WWOX: variants seen among roughly 807,000 people sequenced by gnomAD.
WWOX encodes the protein WW domain-containing oxidoreductase.
A neutral mutation model predicts 46.2 loss-of-function variants in WWOX; 69 were observed. The observed-to-expected ratio is 1.49, with a 90% CI of 1.23 to 1.82. The LOEUF (loss-of-function observed/expected upper bound fraction) is 1.82, where lower values mean the gene tolerates loss of function less well. WWOX is among the 40% of genes most tolerant of loss of function. The pLI is 0.00. For missense variants in WWOX, 919 were observed against 542.6 expected (o/e 1.69, Z -6.89); for synonymous variants, 359 against 202.6 (o/e 1.77, Z -6.56).
chr16:78,770,629 C>T (rs1469379184), intron 8 of WWOX, among the ~76,000 whole-genome samples: 1 of 152,160 alleles, frequency 6.6e-6, no homozygotes, highest in Non-Finnish European at 1.5e-5. Context: ...AATCAGCCTG[C>T]AGGGGTGGAG....
intron 8 of WWOX, among the ~76,000 whole-genome samples, chr16:79,121,084 G>T (rs2049621693): frequency 6.6e-6 from 1 of 152,176 alleles, no homozygotes; most frequent in African/African-American, 2.4e-5. Flanking sequence ...CGTTTCTTCT[G>T]TAAGGATACT....
chr16:78,148,781 C>T (rs2034296269), intron 4 of WWOX, among the ~76,000 whole-genome samples: 1 of 151,428 alleles, frequency 6.6e-6, no homozygotes, highest in South Asian at 2.1e-4. Context: ...GCCTGTAGTC[C>T]CAGCTACTCG....
chr16:78,792,450 T>C (rs2050631249), intron 8 of WWOX, among the ~76,000 whole-genome samples: 1 of 152,164 alleles, frequency 6.6e-6, no homozygotes, highest in Non-Finnish European at 1.5e-5. Flanking sequence ...GCAAATCATA[T>C]GGTCGTACTC....
intron 8 of WWOX, among the ~76,000 whole-genome samples, chr16:78,909,371 G>A (rs913902758): frequency 6.6e-6 from 1 of 152,148 alleles, no homozygotes; most frequent in Non-Finnish European, 1.5e-5. Context: ...TGTATTCTCT[G>A]TTCAGCTGTT....
chr16:78,681,031 C>CT (rs1043033380), intron 8 of WWOX, among the ~76,000 whole-genome samples: 1 of 152,186 alleles, frequency 6.6e-6, no homozygotes, highest in African/African-American at 2.4e-5. Context: ...GGCGCATTGC[C>CT]TGAGGTCGAG....
intron 8 of WWOX, among the ~76,000 whole-genome samples, chr16:78,646,880 G>T (rs905362574): frequency 2.6e-5 from 4 of 152,146 alleles, no homozygotes; most frequent in Non-Finnish European, 1.5e-5. Context: ...GTTAGGCTGT[G>T]TTGGCTGTGA....
intron 8 of WWOX, among the ~76,000 whole-genome samples, chr16:78,949,805 C>G (rs1408195289): frequency 6.6e-6 from 1 of 152,218 alleles, no homozygotes; most frequent in African/African-American, 2.4e-5. Context: ...CCTACATTGT[C>G]TAGTGGGAGA....
At chr16:78,828,396 C>T (rs755651138) in intron 8 of WWOX, among the ~76,000 whole-genome samples, 1 of 152,112 alleles carries the variant, frequency 6.6e-6, no homozygotes, top group African/African-American at 2.4e-5. Context: ...AACATTTAGG[C>T]AATATGACCG....
intron 8 of WWOX, among the ~76,000 whole-genome samples, chr16:78,740,551 G>C (rs1377128038): frequency 6.6e-6 from 1 of 152,130 alleles, no homozygotes; most frequent in Non-Finnish European, 1.5e-5. Context: ...CGTGTAGAGG[G>C]GGATTCCACA....
chr16:78,861,230 G>A (rs924284205), intron 8 of WWOX, among the ~76,000 whole-genome samples: 3 of 152,224 alleles, frequency 2.0e-5, no homozygotes, highest in Admixed American at 6.5e-5. Flanking sequence ...ATAAAAGACT[G>A]AGTAAGAAAG....
At position 78,368,688 on chromosome 16, in the gene WWOX, C is replaced by T. The variant is rs146192018; in HGVS notation, c.517-18172C>T. Among the ~76,000 whole-genome samples, 208 of 152,332 alleles carry T rather than the reference C, an allele frequency of 1.4e-3. 4 individuals are homozygous for T. The East Asian group carries it at 0.034, about 25-fold the overall frequency. On this transcript the variant is annotated intron_variant, in intron 5 of 8. Transcript: ENST00000566780. ...ACATTTGTAAGGTGGTGTCCCCTCC[C>T]TTCCCCTCCCCCCTCTAATGCTGCC...
intron 8 of WWOX, among the ~76,000 whole-genome samples, chr16:78,601,832 A>G (rs1213787860): frequency 2.6e-5 from 4 of 151,890 alleles, no homozygotes; most frequent in Non-Finnish European, 4.4e-5. Flanking sequence ...CCAACTGGGA[A>G]TATTCGACTC....
At chr16:79,021,749 T>C (rs2047537906) in intron 8 of WWOX, among the ~76,000 whole-genome samples, 1 of 152,222 alleles carries the variant, frequency 6.6e-6, no homozygotes, top group African/African-American at 2.4e-5. Context: ...ATGTAACATT[T>C]TGGCCATCTG....
At chr16:78,354,821 A>C (rs1038766032) in intron 5 of WWOX, among the ~76,000 whole-genome samples, 1 of 152,010 alleles carries the variant, frequency 6.6e-6, no homozygotes, top group African/African-American at 2.4e-5. Flanking sequence ...TTTTGATTAA[A>C]TTTTCATATA....
At chr16:78,585,416 C>A (rs1330075930) in intron 8 of WWOX, among the ~76,000 whole-genome samples, 4 of 152,136 alleles carry the variant, frequency 2.6e-5, no homozygotes, top group Admixed American at 1.3e-4. Flanking sequence ...GGGGTTGACT[C>A]TTACAGCCTT....
intron 8 of WWOX, among the ~76,000 whole-genome samples, chr16:79,034,674 C>G (rs2047831041): frequency 6.6e-6 from 1 of 151,182 alleles, no homozygotes; most frequent in South Asian, 2.1e-4. Flanking sequence ...TGTCATTTTC[C>G]TTTCTTTTTT....
chr16:78,413,017 G>A (rs559992145), intron 6 of WWOX, among the ~76,000 whole-genome samples: 12 of 152,192 alleles, frequency 7.9e-5, no homozygotes, highest in South Asian at 2.1e-4. Flanking sequence ...TTGAGCTGAC[G>A]CGTAGCAAGA....
chr16:78,991,911 G>A (rs561116194), intron 8 of WWOX, among the ~76,000 whole-genome samples: 25 of 152,110 alleles, frequency 1.6e-4, no homozygotes, highest in Admixed American at 6.5e-4. Context: ...CTTTGTTCCC[G>A]CCTAACACAA....
At chr16:78,503,617 A>T (rs2085123576) in intron 8 of WWOX, 1 of 152,238 alleles carries the variant, frequency 6.6e-6, no homozygotes, top group East Asian at 1.9e-4. Flanking sequence ...ACACCATTAG[A>T]AATAAGATTT....
Sources: allele counts gnomAD v4.1 joint callset (sites outside exome capture counted in the v4.1 genomes callset), GRCh38; gene constraint gnomAD v4.1.1; transcripts MANE v1.5; gene names NCBI Gene and HGNC (gene_info 2026-07-23, HGNC 2026-07-21).